The following ZFHX3 variants were observed in gnomAD, a reference collection of about 807,000 sequenced individuals.
ZFHX3 encodes the protein zinc finger homeobox protein 3.
ZFHX3 carries 42 observed loss-of-function variants against 279.1 expected under a neutral mutation model. The observed-to-expected ratio is 0.15, with a 90% CI of 0.12 to 0.19. The LOEUF (loss-of-function observed/expected upper bound fraction) is 0.19. Among genes scored for constraint, ZFHX3 ranks in the 10% least tolerant of loss-of-function variants. The pLI is 1.00. For missense variants in ZFHX3, 4,981 were observed against 4,754.0 expected, an observed-to-expected ratio of 1.05 and a Z score of -1.40; for synonymous variants, 2,293 against 1,957.8, an observed-to-expected ratio of 1.17 and a Z score of -4.52.
At chr16:73,672,786 T>C (rs2052917172) in intron 2 of ZFHX3, among the ~76,000 whole-genome samples, 1 of 152,174 alleles carries the variant, frequency 6.6e-6, no homozygotes, top group African/African-American at 2.4e-5. Context: ...TTTTACACTT[T>C]TATGAATATG....
At chr16:73,135,507 C>T (rs1348127573) in intron 6 of ZFHX3, among the ~76,000 whole-genome samples, 1 of 152,180 alleles carries the variant, frequency 6.6e-6, no homozygotes, top group Non-Finnish European at 1.5e-5. Context: ...TTATCCATTC[C>T]AAGCTTTCGA....
At chr16:73,334,466 C>T (rs1052782415) in intron 3 of ZFHX3, among the ~76,000 whole-genome samples, 1 of 152,150 alleles carries the variant, frequency 6.6e-6, no homozygotes, top group Admixed American at 6.5e-5. Flanking sequence ...CTTTTGCCTC[C>T]AGGAGACCAC....
At chr16:73,279,507 A>G (rs991658590) in intron 4 of ZFHX3, among the ~76,000 whole-genome samples, 1 of 152,186 alleles carries the variant, frequency 6.6e-6, no homozygotes, top group Non-Finnish European at 1.5e-5. Flanking sequence ...GGTAATGAGG[A>G]ACCCAATGGA....
At chr16:73,572,467 C>A (rs1335242579) in intron 2 of ZFHX3, among the ~76,000 whole-genome samples, 3 of 152,196 alleles carry the variant, frequency 2.0e-5, no homozygotes, top group Non-Finnish European at 4.4e-5. Flanking sequence ...TAGGAGCCTT[C>A]AACCTGAGCA....
chr16:73,139,693 T>C (rs1597176627), intron 6 of ZFHX3, among the ~76,000 whole-genome samples: 2 of 152,248 alleles, frequency 1.3e-5, no homozygotes, highest in South Asian at 2.1e-4. Context: ...CAACTCTTTA[T>C]TCCCAGGCTA....
rs1197563000 is a variant in ZFHX3, at chr16:73,204,420, A to C, written c.-1104+52627T>G. 2.0e-5 allele frequency among the ~76,000 whole-genome samples: 3 copies of C among 152,148 alleles called. 1 individual carries two copies. Among genetic ancestry groups the C allele is most frequent in the African/African-American group, 7.2e-5 (3 of 41,434 alleles). Reference sequence around the variant, plus strand: ...ACAGTGACAGATCATCAGGCATTAGATTCTCACAAGAAGTGCCCAACCTAG... The same window carrying C: ...ACAGTGACAGATCATCAGGCATTAGCTTCTCACAAGAAGTGCCCAACCTAG... On this transcript the variant is annotated intron_variant, in intron 5 of 17. Transcript: ENST00000641206.
At chr16:73,366,682 G>A (rs1405095002) in intron 3 of ZFHX3, among the ~76,000 whole-genome samples, 7 of 152,000 alleles carry the variant, frequency 4.6e-5, no homozygotes, top group South Asian at 4.2e-4. Flanking sequence ...CATTAATTAC[G>A]TGATATTGTT....
rs147743166 is a variant in ZFHX3, at chr16:72,811,598, G to A, written c.3843C>T (p.Cys1281=). The change falls in exon 7 of 10, where the codon TGC becomes TGT. Residue 1281 remains cysteine, a synonymous_variant. Transcript: ENST00000268489. ...LTHLHSVAPD[C]VEKLIMTVTT... ...TTACCGTCATAATGAGCTTCTCCACGCAGTCAGGTGCCACGCTGTGGAGGT... is the reference window on the plus strand; with the variant it reads ...TTACCGTCATAATGAGCTTCTCCACACAGTCAGGTGCCACGCTGTGGAGGT... The A allele has an allele frequency of 5.3e-5, 85 of 1,601,562 alleles. No individual in the cohort carries two copies. The African/African-American group carries it at 6.5e-4, about 12-fold the overall frequency.
chr16:73,107,087 C>G (rs1966314931), intron 7 of ZFHX3, among the ~76,000 whole-genome samples: 1 of 152,190 alleles, frequency 6.6e-6, no homozygotes, highest in African/African-American at 2.4e-5. Context: ...GAGGACGAGG[C>G]AGGCAGATCA....
chr16:73,850,641 T>A (rs1441728434), intron 1 of ZFHX3, among the ~76,000 whole-genome samples: 1 of 152,162 alleles, frequency 6.6e-6, no homozygotes, highest in Non-Finnish European at 1.5e-5. Flanking sequence ...CTGTCCTCTG[T>A]CTGTCCTGGC....
At chr16:73,472,003 C>T (rs2018676667) in intron 2 of ZFHX3, among the ~76,000 whole-genome samples, 1 of 152,098 alleles carries the variant, frequency 6.6e-6, no homozygotes, top group African/African-American at 2.4e-5. Context: ...ACCTCAGAAC[C>T]TCCTCTTCCT....
In ZFHX3 at chr16:72,788,239, G is replaced by C; in HGVS notation, c.10037C>G (p.Pro3346Arg). The change falls in exon 10 of 10, where the codon CCT becomes CGT. Residue 3346 changes from proline (P) to arginine (R), a missense_variant. This residue lies in a region of ZFHX3 where 1,034 missense variants were observed against 786.0 expected (regional missense o/e 1.32). Coordinates refer to ENST00000268489, the MANE Select transcript of ZFHX3 (RefSeq NM_006885.4). ...YGMEGLFPYS[P>R]ALSQALMGLS... Reference sequence around the variant, plus strand: ...CCCCATCAGGGCCTGCGACAGTGCAGGGCTGTAGGGGAACAGGCCTTCCAT... The same window carrying C: ...CCCCATCAGGGCCTGCGACAGTGCACGGCTGTAGGGGAACAGGCCTTCCAT... 1 of 1,614,150 alleles carries C rather than the reference G, an allele frequency of 6.2e-7. No individual in the cohort carries two copies.
intron 3 of ZFHX3, among the ~76,000 whole-genome samples, chr16:72,948,638 T>C (rs919250713): frequency 2.0e-5 from 3 of 152,114 alleles, no homozygotes; most frequent in African/African-American, 7.2e-5. Flanking sequence ...TGAGAGTTAA[T>C]CGCCACCGTG....
At chr16:73,791,126 G>C (rs1003809055) in intron 1 of ZFHX3, among the ~76,000 whole-genome samples, 2 of 151,976 alleles carry the variant, frequency 1.3e-5, no homozygotes, top group African/African-American at 4.8e-5. Flanking sequence ...CACCACACCT[G>C]GCTAATTTTT....
chr16:72,839,226 T>C (rs990552776), intron 4 of ZFHX3, among the ~76,000 whole-genome samples: 2 of 149,670 alleles, frequency 1.3e-5, no homozygotes, highest in African/African-American at 4.9e-5. Context: ...CAAATAACCA[T>C]GAAAAATTAC....
At chr16:73,130,107 T>A (rs1966650741) in intron 7 of ZFHX3, among the ~76,000 whole-genome samples, 1 of 152,202 alleles carries the variant, frequency 6.6e-6, no homozygotes, top group Non-Finnish European at 1.5e-5. Context: ...GGTTCTGTTA[T>A]CCCAGCACAG....
chr16:73,414,089 T>A (rs1445667918), intron 3 of ZFHX3, among the ~76,000 whole-genome samples: 1 of 152,248 alleles, frequency 6.6e-6, no homozygotes, highest in Non-Finnish European at 1.5e-5. Context: ...AGGACTCTTT[T>A]ACTGAATAAT....
At chr16:73,198,267 C>A (rs536411256) in intron 5 of ZFHX3, among the ~76,000 whole-genome samples, 1 of 151,344 alleles carries the variant, frequency 6.6e-6, no homozygotes, top group Admixed American at 6.6e-5. Context: ...ATCATGTCAC[C>A]GTTATCACAA....
intron 3 of ZFHX3, among the ~76,000 whole-genome samples, chr16:73,397,388 AG>A (rs2017152181): frequency 6.6e-6 from 1 of 152,174 alleles, no homozygotes; most frequent in Admixed American, 6.5e-5. Context: ...TGAGGTTGAG[AG>A]GAGGCAGAGG....
Sources: allele counts gnomAD v4.1 joint callset (sites outside exome capture counted in the v4.1 genomes callset), GRCh38; gene constraint gnomAD v4.1.1; regional missense constraint gnomAD v4.1.1; transcripts MANE v1.5; gene names NCBI Gene and HGNC (gene_info 2026-07-23, HGNC 2026-07-21).